Variants in CNIH3 observed in about 807,000 individuals in gnomAD.
The protein encoded by CNIH3 is protein cornichon homolog 3.
A neutral mutation model predicts 24.1 loss-of-function variants in CNIH3; 14 were observed. That is an observed-to-expected ratio of 0.58 (90% confidence interval 0.38 to 0.91). CNIH3 has a LOEUF of 0.91. Ranked by LOEUF, CNIH3 falls within the 40% of genes least tolerant of loss-of-function variation. CNIH3 has a pLI of 0.00. For missense variants in CNIH3, 178 were observed against 196.8 expected (o/e 0.90, Z 0.57); for synonymous variants, 68 against 73.8 (o/e 0.92, Z 0.40).
At chr1:224,637,872 T>A (rs1199722965) in intron 1 of CNIH3, among the ~76,000 whole-genome samples, 1 of 152,006 alleles carries the variant, frequency 6.6e-6, no homozygotes, top group Non-Finnish European at 1.5e-5. Flanking sequence ...ACACCCCCAG[T>A]CCCCCTGTCT....
At chr1:224,681,209 A>G (rs1473202418) in intron 2 of CNIH3, among the ~76,000 whole-genome samples, 183 bp downstream of exon 2, 1 of 152,126 alleles carries the variant, frequency 6.6e-6, no homozygotes, top group Non-Finnish European at 1.5e-5. Flanking sequence ...TGAGGTCTTG[A>G]GATATGTTGC....
chr1:224,663,357 A>G (rs949412065), intron 1 of CNIH3, among the ~76,000 whole-genome samples: 9 of 152,188 alleles, frequency 5.9e-5, no homozygotes, highest in African/African-American at 1.9e-4. Context: ...TCCCACAGCT[A>G]TGTCGACGTA....
chr1:224,684,860 C>T lies in CNIH3; in HGVS notation c.198+17C>T, dbSNP rs926519603. On this transcript the variant is annotated intron_variant, in intron 3 of 5. Coordinates refer to ENST00000272133, the MANE Select transcript of CNIH3 (RefSeq NM_152495.2). This position sits in a 1 kb window ranked among gnomAD's most constrained non-coding sequence, Gnocchi z 4.2. Reference sequence around the variant, plus strand: ...CTGCGAAAGGTCAGTGTGGCAGCTTCATGCCGAGGATGGAGGATCGCATGG... The same window carrying T: ...CTGCGAAAGGTCAGTGTGGCAGCTTTATGCCGAGGATGGAGGATCGCATGG... 6.2e-7 allele frequency: 1 copy of T among 1,612,670 alleles called. No individual in the cohort carries two copies.
At chr1:224,696,492 G>T (rs1687185660) in intron 3 of CNIH3, among the ~76,000 whole-genome samples, 1 of 152,228 alleles carries the variant, frequency 6.6e-6, no homozygotes, top group African/African-American at 2.4e-5. Flanking sequence ...AGCGCAGCCT[G>T]TGCAGGGCAC....
intron 2 of CNIH3, among the ~76,000 whole-genome samples, chr1:224,533,377 G>A (rs1482848946): frequency 6.8e-5 from 9 of 132,478 alleles, no homozygotes; most frequent in Non-Finnish European, 1.2e-4. Flanking sequence ...TGAAGAGTGA[G>A]AACCCGTCTC....
At chr1:224,558,822 A>G (rs147158684) in intron 3 of CNIH3, among the ~76,000 whole-genome samples, 33 of 152,342 alleles carry the variant, frequency 2.2e-4, no homozygotes, top group Middle Eastern at 6.8e-3. Context: ...CCTACTTCAC[A>G]TTTTCATTTA....
intron 2 of CNIH3, among the ~76,000 whole-genome samples, chr1:224,529,917 A>G (rs1678997676): frequency 6.6e-6 from 1 of 152,216 alleles, no homozygotes; most frequent in Non-Finnish European, 1.5e-5. Flanking sequence ...TGATGTAGGC[A>G]TGGGAACCAA....
intron 1 of CNIH3, among the ~76,000 whole-genome samples, chr1:224,449,739 T>A (rs1390072744): frequency 6.6e-6 from 1 of 152,182 alleles, no homozygotes; most frequent in Non-Finnish European, 1.5e-5. Flanking sequence ...GTGGCCCTCA[T>A]TGCTTACATG....
chr1:224,579,543 A>G (rs1483277849), intron 4 of CNIH3, among the ~76,000 whole-genome samples: 4 of 152,198 alleles, frequency 2.6e-5, no homozygotes, highest in African/African-American at 9.6e-5. Context: ...GACAATGTCT[A>G]GGGACTGAGT....
chr1:224,569,722 G>A (rs1054937909), intron 4 of CNIH3, among the ~76,000 whole-genome samples: 3 of 151,992 alleles, frequency 2.0e-5, no homozygotes, highest in African/African-American at 7.3e-5. Context: ...AGTCTGGTAG[G>A]TATGAAATAG....
upstream of CNIH3, among the ~76,000 whole-genome samples, chr1:224,614,301 T>G (rs1355710155): frequency 6.6e-6 from 1 of 152,186 alleles, no homozygotes; most frequent in Non-Finnish European, 1.5e-5. Context: ...GTAGATCGGT[T>G]CATTGCTCTG....
intron 4 of CNIH3, chr1:224,575,439 CTCATTTTTTTTTT>C: frequency 1.2e-6 from 1 of 861,552 alleles, no homozygotes; most frequent in Non-Finnish European, 1.8e-6. Context: ...TGTTTTCTGT[CTCATTTTTTTTTT>C]TCCTTGCAAA....
intron 1 of CNIH3, among the ~76,000 whole-genome samples, chr1:224,460,892 C>A (rs775911882): frequency 6.6e-6 from 1 of 151,894 alleles, no homozygotes; most frequent in Non-Finnish European, 1.5e-5. Flanking sequence ...ACCTCAGCCT[C>A]CTGAGTAGCT....
At chr1:224,695,620 C>T (rs55905698) in intron 3 of CNIH3, among the ~76,000 whole-genome samples, 3,107 of 152,286 alleles carry the variant, frequency 0.02, 95 homozygotes, top group African/African-American at 0.067. Context: ...TCACAGTCCT[C>T]AACCCTTGCT....
chr1:224,656,264 T>C (rs1685090230), intron 1 of CNIH3, among the ~76,000 whole-genome samples: 1 of 152,218 alleles, frequency 6.6e-6, no homozygotes, highest in Non-Finnish European at 1.5e-5. Context: ...TGGAAGACCA[T>C]GATCTGTGTA....
At chr1:224,492,252 G>GT (rs1396544448) in intron 1 of CNIH3, among the ~76,000 whole-genome samples, 2 of 152,184 alleles carry the variant, frequency 1.3e-5, no homozygotes, top group Admixed American at 6.5e-5. Context: ...AACACAGTGT[G>GT]TTTTTTTCCT....
intron 1 of CNIH3, among the ~76,000 whole-genome samples, chr1:224,471,879 C>T (rs895880216): frequency 2.6e-5 from 4 of 152,110 alleles, no homozygotes; most frequent in Admixed American, 1.3e-4. Context: ...TGTGAGCCAC[C>T]GTGCCCGGCC....
intron 3 of CNIH3, among the ~76,000 whole-genome samples, chr1:224,557,033 C>T (rs1472788849): frequency 6.6e-6 from 1 of 152,094 alleles, no homozygotes; most frequent in Non-Finnish European, 1.5e-5. Context: ...GGGAAGCACT[C>T]TGCAGCCTCC....
chr1:224,683,254 C>G (rs1686489895), intron 2 of CNIH3, among the ~76,000 whole-genome samples: 1 of 152,146 alleles, frequency 6.6e-6, no homozygotes, highest in Admixed American at 6.5e-5. Context: ...CCCTATGAAG[C>G]TCATGGACAG....
Sources: gnomAD v4.1 joint callset for allele counts (sites outside exome capture counted in the v4.1 genomes callset) on GRCh38, gnomAD v4.1.1 for gene constraint, Gnocchi (gnomAD v3.1) non-coding constraint, MANE v1.5 for transcripts, NCBI Gene and HGNC (gene_info 2026-07-23, HGNC 2026-07-21) for gene names.